PLA2G4A: variants seen among roughly 807,000 people sequenced by gnomAD.
The protein encoded by PLA2G4A is phospholipase A2 group IVA.
A neutral mutation model predicts 81.9 loss-of-function variants in PLA2G4A; 40 were observed. The ratio of observed to expected loss-of-function variants is 0.49; its 90% confidence interval spans 0.38 to 0.64. The LOEUF (loss-of-function observed/expected upper bound fraction) is 0.64. Ranked by LOEUF, PLA2G4A falls within the 30% of genes least tolerant of loss-of-function variation. The pLI is 0.00. For missense variants in PLA2G4A, 715 were observed against 905.1 expected (o/e 0.79, Z 2.69); for synonymous variants, 302 against 296.9 (o/e 1.02, Z -0.18).
intron 6 of PLA2G4A, among the ~76,000 whole-genome samples, chr1:186,907,359 A>G (rs974900800): frequency 6.6e-6 from 1 of 152,184 alleles, no homozygotes; most frequent in Non-Finnish European, 1.5e-5. Flanking sequence ...ATTCAGGTAG[A>G]TATTCAAAAA....
intron 2 of PLA2G4A, among the ~76,000 whole-genome samples, chr1:186,861,235 CTA>C (rs1439288371): frequency 6.6e-6 from 1 of 152,104 alleles, no homozygotes. Context: ...ATGCTTAGTC[CTA>C]TGTCACAGTC....
Position 186,911,231 on chromosome 1 carries a change from T to A in PLA2G4A, c.417-17T>A, listed in dbSNP as rs1386119712. ...CTGGGAGCACTGGCTCATGACTTTATCTGTTTGGTATTACAGCTCATGCCC... is the reference window on the plus strand; with the variant it reads ...CTGGGAGCACTGGCTCATGACTTTAACTGTTTGGTATTACAGCTCATGCCC... On this transcript the variant is annotated splice_polypyrimidine_tract_variant and intron_variant, in intron 6 of 17. Transcript: ENST00000367466. 6.2e-7 allele frequency: 1 copy of A among 1,611,942 alleles called. No homozygotes were observed. The highest frequency in any genetic ancestry group is 1.3e-5 in the African/African-American group (1 of 74,866).
At chr1:186,916,192 A>G (rs993180673) in intron 7 of PLA2G4A, among the ~76,000 whole-genome samples, 1 of 151,958 alleles carries the variant, frequency 6.6e-6, no homozygotes, top group Non-Finnish European at 1.5e-5. Flanking sequence ...TCGAACCAAG[A>G]TATTTACTCG....
intron 10 of PLA2G4A, among the ~76,000 whole-genome samples, chr1:186,944,540 C>T (rs1478538714): frequency 1.3e-5 from 2 of 152,100 alleles, no homozygotes. Context: ...TCACAAATTC[C>T]ACGTAAATCG....
intron 5 of PLA2G4A, among the ~76,000 whole-genome samples, 165 bp from the exon 6 acceptor site, chr1:186,906,800 C>A (rs534966137): frequency 6.6e-6 from 1 of 152,236 alleles, no homozygotes; most frequent in South Asian, 2.1e-4. Context: ...TACTGAAATA[C>A]GCCTGTAGTT....
At chr1:186,860,673 T>C (rs1002378884) in intron 2 of PLA2G4A, among the ~76,000 whole-genome samples, 7 of 152,218 alleles carry the variant, frequency 4.6e-5, no homozygotes, top group Admixed American at 4.6e-4. Context: ...CAGCTAATGG[T>C]AAACTTCTAA....
At chr1:186,959,071 C>T (rs1204542873) in intron 14 of PLA2G4A, among the ~76,000 whole-genome samples, 1 of 152,042 alleles carries the variant, frequency 6.6e-6, no homozygotes, top group African/African-American at 2.4e-5. Context: ...TAGAAAGTTT[C>T]AGTGAGAAAG....
In PLA2G4A at chr1:186,977,586, C is replaced by G. The variant is rs772865905; in HGVS notation, c.1765-7C>G. ...TTTCCAAATTCATCTTTCCATCTTT[C>G]CCATAGGAACTTCTACTTGCAGAAA... On this transcript the variant is annotated splice_region_variant and splice_polypyrimidine_tract_variant and intron_variant, in intron 15 of 17. Transcript: ENST00000367466. The G allele has an allele frequency of 1.3e-6, 2 of 1,598,594 alleles. No individual in the cohort carries two copies. The highest frequency in any genetic ancestry group is 1.7e-6 in the Non-Finnish European group (2 of 1,165,958).
intron 12 of PLA2G4A, among the ~76,000 whole-genome samples, chr1:186,948,828 C>T (rs775432062): frequency 7.9e-5 from 12 of 152,180 alleles, no homozygotes; most frequent in Admixed American, 7.2e-4. Context: ...ATGTGTGATC[C>T]GCCAGTCAGC....
Position 186,956,205 on chromosome 1 carries a change from T to C in PLA2G4A, c.1440T>C (p.Asn480=). ...MALVSDSALF[N]TREGRAGKVH... ...TGGTGAGTGATTCAGCTTTATTCAATACCAGAGAAGGACGTGCTGGGAAGG... is the reference window on the plus strand; with the variant it reads ...TGGTGAGTGATTCAGCTTTATTCAACACCAGAGAAGGACGTGCTGGGAAGG... The change falls in exon 14 of 18, where the codon AAT becomes AAC. Residue 480 remains asparagine, a synonymous_variant. Coordinates refer to ENST00000367466, the MANE Select transcript of PLA2G4A (RefSeq NM_024420.3). 1 of 1,614,030 alleles carries C rather than the reference T, an allele frequency of 6.2e-7. No individual in the cohort carries two copies.
chr1:186,988,647 T>C lies in PLA2G4A; in HGVS notation c.*139T>C. 1 of 713,614 alleles carries C rather than the reference T, an allele frequency of 1.4e-6. No individual in the cohort carries two copies. Among genetic ancestry groups the C allele is most frequent in the Non-Finnish European group, 2.5e-6 (1 of 393,922 alleles). 44.2% of individuals were successfully genotyped at this position (713,614 alleles called of 1,614,324 possible). ...ATACTCAAAGTTGCAGTTACTTAGC[T>C]GCATGAGAATAATACTATTATAAGT... is the stretch of plus-strand genomic sequence containing the variant. On this transcript the variant is annotated 3_prime_UTR_variant, in exon 18 of 18. Coordinates refer to ENST00000367466, the MANE Select transcript of PLA2G4A (RefSeq NM_024420.3).
Position 186,939,175 on chromosome 1 carries a change from C to A in PLA2G4A, c.863C>A (p.Pro288His). 6.2e-7 allele frequency: 1 copy of A among 1,608,970 alleles called. No homozygotes were observed. Among genetic ancestry groups the A allele is most frequent in the Non-Finnish European group, 8.5e-7 (1 of 1,175,580 alleles). Residue 288 changes from proline (P) to histidine (H), a missense_variant, in exon 9 of 18, where the codon CCT becomes CAT. Coordinates refer to ENST00000367466, the MANE Select transcript of PLA2G4A (RefSeq NM_024420.3). ...SLWKKKSSGQ[P>H]VTFTDIFGML... The stretch of plus-strand genomic sequence containing the variant: ...TGGAAGAAGAAAAGCTCTGGACAAC[C>A]TGTCACCTTTACTGATATCTTTGGG...
chr1:186,950,525 T>C (rs1205557476), intron 12 of PLA2G4A, 132 bp from the exon 13 acceptor site: 1 of 552,706 alleles, frequency 1.8e-6, no homozygotes, highest in Non-Finnish European at 3.3e-6. Flanking sequence ...AATTATTAAA[T>C]GGATTTAAAT....
chr1:186,978,300 T>A (rs1657602380), intron 16 of PLA2G4A, among the ~76,000 whole-genome samples: 1 of 152,054 alleles, frequency 6.6e-6, no homozygotes, highest in African/African-American at 2.4e-5. Context: ...TCCAGAGGGG[T>A]CTCTCGACTC....
intron 9 of PLA2G4A, among the ~76,000 whole-genome samples, chr1:186,939,719 A>G (rs3736741): frequency 0.25 from 38,522 of 152,036 alleles, 5,395 homozygotes; most frequent in Admixed American, 0.4. Context: ...AGTTTCTTCC[A>G]GGCTCCACAG....
rs7527362 is a variant in PLA2G4A at position 186,913,880 on chromosome 1, C to T, written c.558+2491C>T. Among the ~76,000 whole-genome samples, 157 of 152,216 alleles carry T rather than the reference C, an allele frequency of 1.0e-3. 1 individual carries two copies. The highest frequency in any genetic ancestry group is 3.5e-3 in the African/African-American group (144 of 41,520). On this transcript the variant is annotated intron_variant, in intron 7 of 17. Coordinates refer to ENST00000367466, the MANE Select transcript of PLA2G4A (RefSeq NM_024420.3). ...ATCACCCCTGTCCCACATGTGGTTG[C>T]AGATTTGCAAATATGTTTTAGGTGG...
At chr1:186,986,978 C>T (rs1272470071) in intron 17 of PLA2G4A, among the ~76,000 whole-genome samples, 2 of 152,210 alleles carry the variant, frequency 1.3e-5, no homozygotes, top group South Asian at 2.1e-4. Context: ...GAGCCCATTT[C>T]CCGAGAAGAT....
chr1:186,925,682 C>T (rs889624194), intron 7 of PLA2G4A, among the ~76,000 whole-genome samples: 7 of 152,192 alleles, frequency 4.6e-5, no homozygotes, highest in Non-Finnish European at 1.0e-4. Context: ...TCTCCCAAGT[C>T]ATCTCCTCCC....
In PLA2G4A at chr1:186,911,375, C is replaced by T. The variant is rs757191338; in HGVS notation, c.544C>T (p.His182Tyr). Residue 182 changes from histidine to tyrosine, a missense_variant, in exon 7 of 18, where the codon CAT becomes TAT. His to Tyr is a moderately conservative substitution (Grantham distance 83). Transcript: ENST00000367466. ...LLGPKNSEGL[H>Y]SARDVPVVAI... ...GGGTCCAAAGAATAGTGAAGGATTG[C>T]ATTCTGCACGTGATGTGAGTTGGAA... is the stretch of plus-strand genomic sequence containing the variant. 2.5e-6 allele frequency: 4 copies of T among 1,609,184 alleles called. No individual in the cohort carries two copies. In the African/African-American group the frequency reaches 5.3e-5, roughly 22 times the overall value.
Sources: gnomAD v4.1 joint callset for allele counts (sites outside exome capture counted in the v4.1 genomes callset) on GRCh38, gnomAD v4.1.1 for gene constraint, MANE v1.5 for transcripts, NCBI Gene and HGNC (gene_info 2026-07-23, HGNC 2026-07-21) for gene names.